FBLN5: variants seen among roughly 807,000 people sequenced by gnomAD.
FBLN5 encodes fibulin-5.
In FBLN5, 24 loss-of-function variants were observed where a neutral mutation model predicts 61.6. The ratio of observed to expected loss-of-function variants is 0.39; its 90% confidence interval spans 0.28 to 0.55. The LOEUF is 0.55. Ranked by LOEUF, FBLN5 falls within the 20% of genes least tolerant of loss-of-function variation. The probability of loss-of-function intolerance (pLI) is 0.65; values close to 1 mark genes in which losing one functional copy is unlikely to be tolerated. For synonymous variants in FBLN5, 213 were observed against 219.8 expected, an observed-to-expected ratio of 0.97 and a Z score of 0.27; for missense variants, 470 against 594.1, an observed-to-expected ratio of 0.79 and a Z score of 2.17.
intron 10 of FBLN5, among the ~76,000 whole-genome samples, chr14:91,872,077 G>T (rs1339911517): frequency 1.3e-5 from 2 of 152,126 alleles, no homozygotes; most frequent in Non-Finnish European, 2.9e-5. Flanking sequence ...ACCCAGGTGG[G>T]GGGGCCCTGG....
At chr14:91,878,030 C>G (rs920984361) in intron 9 of FBLN5, 1 of 435,978 alleles carries the variant, frequency 2.3e-6, no homozygotes, top group Non-Finnish European at 4.4e-6. Flanking sequence ...AGAGCAAGAC[C>G]CTGTCTCAAA....
At chr14:91,871,820 A>G (rs1888942723) in intron 10 of FBLN5, among the ~76,000 whole-genome samples, 1 of 151,436 alleles carries the variant, frequency 6.6e-6, no homozygotes, top group South Asian at 2.1e-4. Flanking sequence ...TCGCACCACT[A>G]TACTCCACCC....
chr14:91,913,335 A>G (rs530760140), intron 4 of FBLN5, among the ~76,000 whole-genome samples: 1 of 152,222 alleles, frequency 6.6e-6, no homozygotes, highest in African/African-American at 2.4e-5. Context: ...AATGCCACCT[A>G]AAATGTATTA....
chr14:91,895,885 C>A (rs953763427), intron 4 of FBLN5, among the ~76,000 whole-genome samples: 6 of 150,866 alleles, frequency 4.0e-5, no homozygotes, highest in African/African-American at 1.2e-4. Flanking sequence ...GAAAATCTTT[C>A]GGTCTGAAGC....
intron 2 of FBLN5, among the ~76,000 whole-genome samples, chr14:91,941,490 G>A (rs1243716641): frequency 2.0e-5 from 3 of 152,148 alleles, no homozygotes; most frequent in Non-Finnish European, 4.4e-5. Context: ...CTACAGCTTC[G>A]GAGGTTGGGC....
At chr14:91,891,429 A>G (rs1889991609) in intron 5 of FBLN5, 92 bp from the exon 6 acceptor site, 1 of 859,476 alleles carries the variant, frequency 1.2e-6, no homozygotes, top group East Asian at 2.4e-5. Context: ...CTTCCCAAAC[A>G]GGATCATGAA....
intron 4 of FBLN5, 103 bp downstream of exon 4, chr14:91,936,844 G>T: frequency 7.8e-7 from 1 of 1,284,574 alleles, no homozygotes; most frequent in Non-Finnish European, 1.1e-6. Flanking sequence ...TTTCACTGGT[G>T]CATTGAATGG....
At chr14:91,879,147 T>C (rs965851557) in intron 9 of FBLN5, among the ~76,000 whole-genome samples, 9 of 152,304 alleles carry the variant, frequency 5.9e-5, no homozygotes, top group African/African-American at 1.7e-4. Context: ...TAAAGTATCA[T>C]GTGCAGCATA....
At chr14:91,881,177 G>A (rs1889440455) in intron 9 of FBLN5, 115 bp downstream of exon 9, 2 of 1,109,940 alleles carry the variant, frequency 1.8e-6, no homozygotes, top group South Asian at 1.3e-5. Context: ...GACGTAGGTA[G>A]TAGGCCAGGT....
At chr14:91,927,973 T>TA (rs770393990) in intron 4 of FBLN5, among the ~76,000 whole-genome samples, 7 of 152,260 alleles carry the variant, frequency 4.6e-5, no homozygotes, top group Non-Finnish European at 8.8e-5. Flanking sequence ...AGTGACCTAC[T>TA]ACACAAAGGC....
At position 91,884,848 on chromosome 14, in the gene FBLN5, G is replaced by T. The variant is rs534148902; in HGVS notation, c.740-1772C>A. ...ACAGACCCTACTCGGTTTATCTTTG[G>T]GTCTGCAATTCCCAGACTTTGCTTA... On this transcript the variant is annotated intron_variant, in intron 7 of 10. Transcript: ENST00000342058. Among the ~76,000 whole-genome samples, 6 of 152,318 alleles carry T rather than the reference G, an allele frequency of 3.9e-5. No homozygotes were observed. The East Asian group carries it at 1.2e-3, about 29-fold the overall frequency.
chr14:91,908,735 C>G (rs1012118434), intron 4 of FBLN5, among the ~76,000 whole-genome samples: 1 of 152,156 alleles, frequency 6.6e-6, no homozygotes, highest in African/African-American at 2.4e-5. Context: ...CATCCCAACC[C>G]AGTTAAATCA....
At chr14:91,941,181 C>A (rs2056099077) in intron 2 of FBLN5, among the ~76,000 whole-genome samples, 1 of 152,054 alleles carries the variant, frequency 6.6e-6, no homozygotes, top group Non-Finnish European at 1.5e-5. Flanking sequence ...GAGTTATTTG[C>A]CCCCATGAAA....
At chr14:91,917,822 T>C (rs1230027297) in intron 4 of FBLN5, among the ~76,000 whole-genome samples, 1 of 152,210 alleles carries the variant, frequency 6.6e-6, no homozygotes, top group Non-Finnish European at 1.5e-5. Flanking sequence ...GTATTTCACT[T>C]TAAAAGGTAA....
intron 1 of FBLN5, chr14:91,946,817 T>C (rs2056192358): frequency 1.3e-6 from 2 of 1,532,520 alleles, no homozygotes; most frequent in African/African-American, 2.7e-5. Context: ...CTAGCCTGTC[T>C]GCTTGTCTAT....
chr14:91,928,631 G>T (rs75230778), intron 4 of FBLN5, among the ~76,000 whole-genome samples: 2,534 of 152,198 alleles, frequency 0.017, 73 homozygotes, highest in South Asian at 0.089. Context: ...AGTTAGCTGG[G>T]CATGGTGGCA....
At chr14:91,922,030 G>C (rs1287014102) in intron 4 of FBLN5, among the ~76,000 whole-genome samples, 1 of 152,180 alleles carries the variant, frequency 6.6e-6, no homozygotes, top group Non-Finnish European at 1.5e-5. Context: ...GCAGACAGGC[G>C]CGGTGGCCTG....
At chr14:91,893,651 T>C (rs1324011746) in intron 5 of FBLN5, among the ~76,000 whole-genome samples, 4 of 152,206 alleles carry the variant, frequency 2.6e-5, no homozygotes, top group African/African-American at 9.7e-5. Context: ...GAAATTGAAG[T>C]GACAGCTAGA....
chr14:91,941,639 C>T (rs1196997944), intron 2 of FBLN5, among the ~76,000 whole-genome samples: 4 of 152,112 alleles, frequency 2.6e-5, no homozygotes, highest in African/African-American at 7.2e-5. Flanking sequence ...GCTGGGAGGC[C>T]AGGAGATCCA....
Sources: gnomAD v4.1 joint callset for allele counts (sites outside exome capture counted in the v4.1 genomes callset) on GRCh38, gnomAD v4.1.1 for gene constraint, MANE v1.5 for transcripts, NCBI Gene and HGNC (gene_info 2026-07-23, HGNC 2026-07-21) for gene names.